The following ACSL3 variants were observed in gnomAD, a reference collection of about 807,000 sequenced individuals.
ACSL3 encodes fatty acid CoA ligase Acsl3.
In ACSL3, 34 loss-of-function variants were observed where a neutral mutation model predicts 84.7. The observed-to-expected ratio is 0.40, with a 90% CI of 0.31 to 0.53. The LOEUF (loss-of-function observed/expected upper bound fraction) is 0.53. Among genes scored for constraint, ACSL3 ranks in the 20% least tolerant of loss-of-function variants. ACSL3 has a pLI of 0.48. For missense variants in ACSL3, 680 were observed against 873.1 expected (o/e 0.78, Z 2.79); for synonymous variants, 315 against 299.4 (o/e 1.05, Z -0.54).
At position 222,918,313 on chromosome 2, in the gene ACSL3, A is replaced by G. The variant is rs143501392; in HGVS notation, c.666+158A>G. On this transcript the variant is annotated intron_variant, in intron 6 of 16. Coordinates refer to ENST00000357430, the MANE Select transcript of ACSL3 (RefSeq NM_004457.5). ...TTATTTTTTCCTTTAGAAAATAAAA[A>G]GTAGATTTTGTATATATTCATGTAT... 1.8e-3 allele frequency among the ~76,000 whole-genome samples: 271 copies of G among 152,288 alleles called. 2 individuals carry two copies. The highest frequency in any genetic ancestry group is 6.2e-3 in the African/African-American group (258 of 41,566).
intron 15 of ACSL3, 51 bp from the exon 16 acceptor site, chr2:222,934,479 C>G (rs759234107): frequency 6.4e-6 from 9 of 1,407,342 alleles, no homozygotes; most frequent in Non-Finnish European, 8.5e-6. Context: ...TAACTGCAGT[C>G]AACACAGTTC....
chr2:222,939,498 T>A (rs1697251691), intron 16 of ACSL3, among the ~76,000 whole-genome samples: 1 of 152,184 alleles, frequency 6.6e-6, no homozygotes. Flanking sequence ...TTCATGTTAA[T>A]CTTTGTTCTT....
rs548967966 is a variant in ACSL3, at chr2:222,876,206, A to G, written c.-206-11624A>G. Among the ~76,000 whole-genome samples the G allele has an allele frequency of 7.2e-5, 11 of 152,388 alleles. No individual in the cohort carries two copies. The South Asian group carries it at 1.9e-3, about 26-fold the overall frequency. On this transcript the variant is annotated intron_variant, in intron 1 of 16. Coordinates refer to ENST00000357430, the MANE Select transcript of ACSL3 (RefSeq NM_004457.5). ...AGCAATAGTGTGTGATTTGTAAATC[A>G]TAGGAGCAGCTTTGATTCTGGTACC... is the stretch of plus-strand genomic sequence containing the variant.
intron 8 of ACSL3, among the ~76,000 whole-genome samples, chr2:222,922,239 T>G (rs1038034505): frequency 6.6e-6 from 1 of 152,178 alleles, no homozygotes; most frequent in Non-Finnish European, 1.5e-5. Context: ...AAGAGTCTTA[T>G]CTGTAAAATT....
chr2:222,879,550 A>T (rs1444883604), intron 1 of ACSL3, among the ~76,000 whole-genome samples: 1 of 152,218 alleles, frequency 6.6e-6, no homozygotes, highest in African/African-American at 2.4e-5. Context: ...GTGGGTAATT[A>T]TACTCATCCT....
intron 16 of ACSL3, among the ~76,000 whole-genome samples, chr2:222,935,942 C>G (rs1204659208): frequency 2.6e-5 from 4 of 152,152 alleles, no homozygotes; most frequent in African/African-American, 9.7e-5. Context: ...TCTCCCCCTT[C>G]CCTCCACCTT....
intron 3 of ACSL3, among the ~76,000 whole-genome samples, chr2:222,906,772 G>A (rs1427496107): frequency 3.9e-5 from 6 of 151,966 alleles, no homozygotes; most frequent in African/African-American, 1.2e-4. Flanking sequence ...GTACCATCAC[G>A]CCCAGCTAAT....
intron 16 of ACSL3, 80 bp from the exon 17 acceptor site, chr2:222,941,417 A>C (rs1697302836): frequency 1.3e-5 from 15 of 1,186,408 alleles, no homozygotes; most frequent in Non-Finnish European, 1.8e-5. Flanking sequence ...TTTGATGGAT[A>C]CGCAAAAAGT....
In ACSL3 at chr2:222,943,111, A is replaced by C. The variant is rs1178012662; in HGVS notation, c.*1457A>C. 2 of 226,496 alleles carry C rather than the reference A, an allele frequency of 8.8e-6. No individual in the cohort carries two copies. Among genetic ancestry groups the C allele is most frequent in the Non-Finnish European group, 1.8e-5 (2 of 114,040 alleles). 14.0% of individuals were successfully genotyped at this position (226,496 alleles called of 1,614,324 possible). Reference sequence around the variant, plus strand: ...AAAAAAAAAAAAAACAAAAACAAAAAAAAAGATGAACCTAGGTCTGTGTAA... The same window carrying C: ...AAAAAAAAAAAAAACAAAAACAAAACAAAAGATGAACCTAGGTCTGTGTAA... On this transcript the variant is annotated 3_prime_UTR_variant, in exon 17 of 17. Coordinates refer to ENST00000357430, the MANE Select transcript of ACSL3 (RefSeq NM_004457.5).
chr2:222,929,006 T>C lies in ACSL3; in HGVS notation c.1540+70T>C, dbSNP rs538802229. 2.5e-5 allele frequency: 33 copies of C among 1,334,012 alleles called. No homozygotes were observed. In the East Asian group the frequency reaches 7.0e-4, roughly 28 times the overall value. 82.6% of individuals were successfully genotyped at this position (1,334,012 alleles called of 1,614,324 possible). ...AAACTTGAAAATTAGTGCTTCACTT[T>C]CTTGCTTTAGAATGTAAACACCCAT... On this transcript the variant is annotated intron_variant, in intron 13 of 16. Transcript: ENST00000357430.
chr2:222,870,287 A>G (rs73063610), intron 1 of ACSL3, among the ~76,000 whole-genome samples: 42 of 152,014 alleles, frequency 2.8e-4, no homozygotes, highest in African/African-American at 9.9e-4. Flanking sequence ...GCATTTCCCC[A>G]TGTATTCATT....
chr2:222,899,291 C>T (rs1002598372), intron 2 of ACSL3, among the ~76,000 whole-genome samples: 7 of 151,878 alleles, frequency 4.6e-5, no homozygotes, highest in East Asian at 1.9e-4. Flanking sequence ...TGTTCTAACA[C>T]GGTGAAATCC....
At chr2:222,873,824 G>A (rs1298281520) in intron 1 of ACSL3, among the ~76,000 whole-genome samples, 2 of 152,072 alleles carry the variant, frequency 1.3e-5, no homozygotes, top group East Asian at 3.8e-4. Context: ...ATTATAAATA[G>A]CAAATGGAAG....
chr2:222,903,103 A>T (rs974797175), intron 3 of ACSL3, among the ~76,000 whole-genome samples: 2 of 152,168 alleles, frequency 1.3e-5, no homozygotes, highest in Admixed American at 6.5e-5. Flanking sequence ...TGGTACTGTT[A>T]GTCATGTCAT....
chr2:222,921,902 G>T (rs1696750470), intron 8 of ACSL3, among the ~76,000 whole-genome samples: 1 of 152,122 alleles, frequency 6.6e-6, no homozygotes, highest in African/African-American at 2.4e-5. Flanking sequence ...GACTGTCAAG[G>T]AAACATTGCC....
intron 8 of ACSL3, among the ~76,000 whole-genome samples, chr2:222,922,016 C>T (rs573362521): frequency 2.0e-5 from 3 of 152,254 alleles, no homozygotes; most frequent in Non-Finnish European, 2.9e-5. Flanking sequence ...CACACACTCA[C>T]GTAATTGCTA....
In ACSL3 at chr2:222,941,047, G is replaced by C. The variant is rs73067422; in HGVS notation, c.2006-450G>C. 9.2e-3 allele frequency among the ~76,000 whole-genome samples: 1,406 copies of C among 152,020 alleles called. 24 individuals are homozygous for C. Among genetic ancestry groups the C allele is most frequent in the African/African-American group, 0.032 (1,343 of 41,456 alleles). ...CTCCTGAGTAACTGGTACTACAAGCGTATGCCACTATACCCAGCTTATATT... is the reference window on the plus strand; with the variant it reads ...CTCCTGAGTAACTGGTACTACAAGCCTATGCCACTATACCCAGCTTATATT... On this transcript the variant is annotated intron_variant, in intron 16 of 16. Transcript: ENST00000357430.
At chr2:222,861,936 T>C (rs1574508143) in intron 1 of ACSL3, among the ~76,000 whole-genome samples, 1 of 152,144 alleles carries the variant, frequency 6.6e-6, no homozygotes, top group Non-Finnish European at 1.5e-5. Context: ...GTAGGTGTTA[T>C]CAGGCTCGTT....
rs1424941059 is a variant in ACSL3 at position 222,896,937 on chromosome 2, C to T, written c.-147-3737C>T. ...GGCCAGGCAGGGGGCTGACCCCCCT[C>T]CCCCCTCCCGGACTGGGCGGCTGGC... On this transcript the variant is annotated intron_variant, in intron 2 of 16. Coordinates refer to ENST00000357430, the MANE Select transcript of ACSL3 (RefSeq NM_004457.5). Among the ~76,000 whole-genome samples the T allele has an allele frequency of 1.1e-4, 2 of 18,646 alleles. 1 individual carries two copies. Among genetic ancestry groups the T allele is most frequent in the Non-Finnish European group, 1.6e-4 (2 of 12,158 alleles). The allele number at this position is 18,646 out of a possible 152,430, so 12.2% of individuals were successfully genotyped here. A position where few individuals can be genotyped will look rare whatever the true frequency, so the allele number is the denominator to read the frequency against.
Sources: allele counts gnomAD v4.1 joint callset (sites outside exome capture counted in the v4.1 genomes callset), GRCh38; gene constraint gnomAD v4.1.1; transcripts MANE v1.5; gene names NCBI Gene and HGNC (gene_info 2026-07-23, HGNC 2026-07-21).